The following MEI4 variants were observed in gnomAD, a reference collection of about 807,000 sequenced individuals.
The protein encoded by MEI4 is meiotic double-stranded break formation protein 4.
Under a neutral mutation model 31.4 loss-of-function variants are expected in MEI4, and 27 were observed. The ratio of observed to expected loss-of-function variants is 0.86; its 90% CI spans 0.63 to 1.19. The LOEUF is 1.19. Among genes scored for constraint, MEI4 ranks in the 50% most tolerant of loss-of-function variants. The pLI is 0.00. For missense variants in MEI4, 329 were observed against 398.9 expected (o/e 0.82, Z 1.49); for synonymous variants, 122 against 145.4 (o/e 0.84, Z 1.16).
chr6:77,723,167 C>T (rs1766751929), intron 2 of MEI4, among the ~76,000 whole-genome samples: 1 of 144,162 alleles, frequency 6.9e-6, no homozygotes, highest in Non-Finnish European at 1.5e-5. Flanking sequence ...AAGATTAGTC[C>T]TACAGTCCCC....
intron 4 of MEI4, among the ~76,000 whole-genome samples, chr6:77,852,919 G>A (rs141168832): frequency 1.3e-5 from 2 of 152,094 alleles, no homozygotes; most frequent in South Asian, 2.1e-4. Context: ...AGATTAGGCC[G>A]GGTGTGGTGG....
chr6:77,658,528 T>C (rs1467054280), intron 1 of MEI4, among the ~76,000 whole-genome samples: 3 of 151,922 alleles, frequency 2.0e-5, no homozygotes, highest in African/African-American at 7.3e-5. Context: ...TGAAAATTTT[T>C]TGGGGGGTGG....
intron 3 of MEI4, among the ~76,000 whole-genome samples, chr6:77,769,919 A>G (rs571649750): frequency 6.6e-6 from 1 of 152,050 alleles, no homozygotes; most frequent in African/African-American, 2.4e-5. Flanking sequence ...GACCCAGCAC[A>G]TTCCCAGCTG....
upstream of MEI4, among the ~76,000 whole-genome samples, chr6:77,652,678 G>A (rs548920953): frequency 1.3e-5 from 2 of 152,292 alleles, no homozygotes; most frequent in East Asian, 3.9e-4. Flanking sequence ...AGTAATCATA[G>A]CTTCCTTATG....
intron 4 of MEI4, among the ~76,000 whole-genome samples, chr6:77,883,717 G>GAGATATATATATATATATATAT (rs1554172068): frequency 2.3e-5 from 1 of 43,338 alleles, no homozygotes; most frequent in Non-Finnish European, 3.8e-5. Flanking sequence ...TATTATGTAA[G>GAGATATATATATATATATATAT]ATATATATAT....
chr6:77,861,317 C>G (rs1334059312), intron 4 of MEI4, among the ~76,000 whole-genome samples: 1 of 152,238 alleles, frequency 6.6e-6, no homozygotes, highest in Non-Finnish European at 1.5e-5. Context: ...ATATCTATCT[C>G]TAAAAGCTTG....
At chr6:77,723,046 G>A (rs1245763666) in intron 2 of MEI4, among the ~76,000 whole-genome samples, 1 of 142,820 alleles carries the variant, frequency 7.0e-6, no homozygotes, top group Non-Finnish European at 1.5e-5. Flanking sequence ...TCCTGGACTG[G>A]CACTCCAAGG....
intron 4 of MEI4, among the ~76,000 whole-genome samples, chr6:77,863,058 A>G (rs1346653542): frequency 6.6e-6 from 1 of 151,674 alleles, no homozygotes; most frequent in Non-Finnish European, 1.5e-5. Flanking sequence ...GGACATCCAC[A>G]CCAAAACCCC....
chr6:77,899,660 A>T (rs1239856171), intron 4 of MEI4, among the ~76,000 whole-genome samples: 4 of 152,134 alleles, frequency 2.6e-5, no homozygotes, highest in Non-Finnish European at 4.4e-5. Context: ...GACTGCTAGT[A>T]TGTAAAAATT....
At chr6:77,738,224 C>G (rs1348712785) in intron 2 of MEI4, among the ~76,000 whole-genome samples, 1 of 152,142 alleles carries the variant, frequency 6.6e-6, no homozygotes, top group Non-Finnish European at 1.5e-5. Flanking sequence ...TAGTTTAGAG[C>G]CAAGCTGACC....
intron 4 of MEI4, among the ~76,000 whole-genome samples, chr6:77,884,767 T>G (rs927188956): frequency 6.6e-6 from 1 of 152,242 alleles, no homozygotes; most frequent in African/African-American, 2.4e-5. Flanking sequence ...CCATGTAGTA[T>G]ATTTTGAAGC....
chr6:77,920,381 A>G (rs1206073140), intron 4 of MEI4, among the ~76,000 whole-genome samples: 2 of 152,054 alleles, frequency 1.3e-5, no homozygotes, highest in African/African-American at 2.4e-5. Flanking sequence ...GCATATAAAC[A>G]GAGCCAAAGA....
intron 3 of MEI4, among the ~76,000 whole-genome samples, chr6:77,789,647 T>A (rs1355629885): frequency 6.6e-6 from 1 of 152,046 alleles, no homozygotes; most frequent in Non-Finnish European, 1.5e-5. Context: ...AAAAGGCACA[T>A]GAAAAAATGC....
chr6:77,806,286 T>C lies in MEI4; in HGVS notation c.769-22645T>C, dbSNP rs1769433709. ...ATCTTTTCTTAGAAACAATATAATA[T>C]CTACTCTGGGAGGCTGAAGTGTCTC... On this transcript the variant is annotated intron_variant, in intron 3 of 4. Coordinates refer to ENST00000684080, the MANE Select transcript of MEI4 (RefSeq NM_001322247.2). 2.0e-5 allele frequency among the ~76,000 whole-genome samples: 3 copies of C among 152,138 alleles called. No homozygotes were observed. The South Asian group carries it at 6.2e-4, about 31-fold the overall frequency.
chr6:77,881,931 T>C (rs756443310), intron 4 of MEI4, among the ~76,000 whole-genome samples: 7 of 152,246 alleles, frequency 4.6e-5, no homozygotes, highest in Non-Finnish European at 8.8e-5. Context: ...AATTCAATTA[T>C]GATGGTAACC....
intron 4 of MEI4, among the ~76,000 whole-genome samples, chr6:77,913,708 A>G (rs1766479846): frequency 6.7e-6 from 1 of 148,260 alleles, no homozygotes; most frequent in African/African-American, 2.5e-5. Flanking sequence ...ATAACAGATT[A>G]TCGATTTTGT....
intron 4 of MEI4, among the ~76,000 whole-genome samples, chr6:77,843,186 G>A (rs1448165128): frequency 6.6e-6 from 1 of 151,660 alleles, no homozygotes; most frequent in Non-Finnish European, 1.5e-5. Context: ...ATTATGCTAT[G>A]CCTTAGTTCC....
intron 1 of MEI4, among the ~76,000 whole-genome samples, chr6:77,667,683 C>T (rs1768664050): frequency 6.6e-6 from 1 of 152,092 alleles, no homozygotes; most frequent in Non-Finnish European, 1.5e-5. Flanking sequence ...TGTGGAAATG[C>T]AGACAAGAGA....
intron 1 of MEI4, among the ~76,000 whole-genome samples, chr6:77,666,497 G>A (rs1239206391): frequency 2.0e-5 from 3 of 152,112 alleles, no homozygotes; most frequent in Non-Finnish European, 4.4e-5. Context: ...ATTGATAAGA[G>A]TTCATAGGGA....
Sources: allele counts gnomAD v4.1 joint callset (sites outside exome capture counted in the v4.1 genomes callset), GRCh38; gene constraint gnomAD v4.1.1; transcripts MANE v1.5; gene names NCBI Gene and HGNC (gene_info 2026-07-23, HGNC 2026-07-21).